KRAS: variants seen among roughly 807,000 people sequenced by gnomAD.
KRAS encodes KRas proto-oncogene, GTPase, also known as GTPase KRas.
KRAS carries 1 observed loss-of-function variant against 21.0 expected under a neutral mutation model. That is an observed-to-expected ratio of 0.05 (90% CI 0.02 to 0.23). The LOEUF is 0.23. Ranked by LOEUF, KRAS falls within the 10% of genes least tolerant of loss-of-function variation. The pLI is 1.00. For missense variants in KRAS, 107 were observed against 221.8 expected (o/e 0.48, Z 3.29); for synonymous variants, 67 against 72.5 (o/e 0.92, Z 0.39).
intron 4 of KRAS, chr12:25,225,286 T>TTATTTTTTTATATATATATA (rs1486092988): frequency 1.9e-4 from 2 of 10,624 alleles, no homozygotes; most frequent in Non-Finnish European, 3.4e-4. Flanking sequence ...GCCCTGTTCT[T>TTATTTTTTTATATATATATA]TATATATATA....
chr12:25,228,362 A>G, intron 2 of KRAS, among the ~76,000 whole-genome samples: 1 of 151,686 alleles, frequency 6.6e-6, no homozygotes. Flanking sequence ...TTAAGTATCT[A>G]TGAATATTCC....
At chr12:25,215,091 TAAAAAAAAAAAA>T (rs775121370) in intron 4 of KRAS, 5 of 86,510 alleles carry the variant, frequency 5.8e-5, no homozygotes, top group Non-Finnish European at 9.3e-5. Flanking sequence ...TTCTCCCTAC[TAAAAAAAAAAAA>T]AAAAAAAAAA....
chr12:25,233,419 T>C (rs1951501965), intron 2 of KRAS, among the ~76,000 whole-genome samples: 1 of 151,986 alleles, frequency 6.6e-6, no homozygotes, highest in Non-Finnish European at 1.5e-5. Context: ...TTAGGTGTGG[T>C]AGTGTGTACC....
chr12:25,240,054 G>A lies in KRAS; in HGVS notation c.111+5220C>T, dbSNP rs61761093. 7.0e-3 allele frequency among the ~76,000 whole-genome samples: 1,059 copies of A among 152,054 alleles called. 6 individuals carry two copies. Among genetic ancestry groups the A allele is most frequent in the African/African-American group, 0.024 (985 of 41,486 alleles). On this transcript the variant is annotated intron_variant, in intron 2 of 4. Coordinates refer to ENST00000311936, the MANE Select transcript of KRAS (RefSeq NM_004985.5). ...CTTACTTTTTTCAATGTTTTATTTT[G>A]AAAAAATTTCAAACCTATAGAAAAG...
intron 3 of KRAS, 72 bp downstream of exon 3, chr12:25,227,162 T>G: frequency 9.2e-7 from 1 of 1,090,828 alleles, no homozygotes; most frequent in Admixed American, 2.0e-5. Flanking sequence ...TGCATGGCAT[T>G]AGCAAAGACT....
intron 2 of KRAS, among the ~76,000 whole-genome samples, chr12:25,236,341 T>TC (rs61761105): frequency 0.041 from 6,280 of 152,152 alleles, 175 homozygotes; most frequent in Non-Finnish European, 0.061. Flanking sequence ...CACTGACTCA[T>TC]CATACCCACT....
At chr12:25,243,647 A>C (rs1192228571) in intron 2 of KRAS, among the ~76,000 whole-genome samples, 3 of 152,194 alleles carry the variant, frequency 2.0e-5, no homozygotes, top group Non-Finnish European at 2.9e-5. Context: ...ATTTTCAGGG[A>C]AGACAGACAG....
In KRAS at chr12:25,225,683, T is replaced by C. The variant is rs770720889; in HGVS notation, c.381A>G (p.Thr127=). 1 of 1,613,296 alleles carries C rather than the reference T, an allele frequency of 6.2e-7. No homozygotes were observed. Among genetic ancestry groups the C allele is most frequent in the East Asian group, 2.2e-5 (1 of 44,764 alleles). The part of the protein sequence containing the change: ...KCDLPSRTVD[T]KQAQDLARSY... ...TTCTTGCTAAGTCCTGAGCCTGTTT[T>C]GTGTCTACTGTTCTAGAAGGCAAAT... is the stretch of plus-strand genomic sequence containing the variant. The change falls in exon 4 of 5, where the codon ACA becomes ACG. Residue 127 remains threonine, a synonymous_variant. Coordinates refer to ENST00000311936, the MANE Select transcript of KRAS (RefSeq NM_004985.5).
At chr12:25,226,664 T>C (rs1369379241) in intron 3 of KRAS, among the ~76,000 whole-genome samples, 1 of 152,212 alleles carries the variant, frequency 6.6e-6, no homozygotes, top group East Asian at 1.9e-4. Flanking sequence ...ATGTAGTTTT[T>C]GGAAAACTAA....
At chr12:25,226,648 C>CTTA (rs1464356926) in intron 3 of KRAS, among the ~76,000 whole-genome samples, 3 of 152,030 alleles carry the variant, frequency 2.0e-5, no homozygotes, top group Non-Finnish European at 4.4e-5. Flanking sequence ...GATTCATTTG[C>CTTA]TTAATATGTA....
chr12:25,213,984 GC>G (rs1233671168), intron 4 of KRAS, among the ~76,000 whole-genome samples: 1 of 152,198 alleles, frequency 6.6e-6, no homozygotes, highest in African/African-American at 2.4e-5. Context: ...CTAAGATTTT[GC>G]TGTCAAGTAA....
chr12:25,213,980 T>A (rs912885319), intron 4 of KRAS, among the ~76,000 whole-genome samples: 1 of 152,212 alleles, frequency 6.6e-6, no homozygotes, highest in Admixed American at 6.5e-5. Flanking sequence ...CTGGCTAAGA[T>A]TTTGCTGTCA....
chr12:25,248,437 G>A (rs1951716226), intron 1 of KRAS, among the ~76,000 whole-genome samples: 1 of 152,018 alleles, frequency 6.6e-6, no homozygotes, highest in South Asian at 2.1e-4. Flanking sequence ...GTGACAGAGT[G>A]AGACTCTCTC....
chr12:25,235,722 A>G (rs1225525319), intron 2 of KRAS, among the ~76,000 whole-genome samples: 1 of 152,176 alleles, frequency 6.6e-6, no homozygotes, highest in Non-Finnish European at 1.5e-5. Flanking sequence ...AACATAGAAC[A>G]GCATGTTGAG....
rs964865570 is a variant in KRAS at position 25,208,948 on chromosome 12, G to A, written c.*847C>T. On this transcript the variant is annotated 3_prime_UTR_variant, in exon 5 of 5. Coordinates refer to ENST00000311936, the MANE Select transcript of KRAS (RefSeq NM_004985.5). ...ATGAAAGAGCAGTCTGACACAGGGA[G>A]ACTACATTTAATTCCTATGAGAATT... The A allele has an allele frequency of 5.6e-5, 17 of 304,310 alleles. No homozygotes were observed. The highest frequency in any genetic ancestry group is 9.0e-5 in the Non-Finnish European group (15 of 166,390). The allele number at this position is 304,310 out of a possible 1,614,324, so 18.9% of individuals were successfully genotyped here.
At chr12:25,215,293 T>C (rs1951241395) in intron 4 of KRAS, 2 of 1,287,882 alleles carry the variant, frequency 1.6e-6, no homozygotes, top group Non-Finnish European at 2.1e-6. Flanking sequence ...AAAATAAATG[T>C]ACTAATTATG....
intron 2 of KRAS, among the ~76,000 whole-genome samples, chr12:25,243,088 G>C (rs540210746): frequency 6.6e-6 from 1 of 152,058 alleles, no homozygotes; most frequent in Admixed American, 6.5e-5. Context: ...TGACCCACAC[G>C]GATTGGTAAA....
At chr12:25,236,942 T>C (rs1019055624) in intron 2 of KRAS, among the ~76,000 whole-genome samples, 1 of 152,096 alleles carries the variant, frequency 6.6e-6, no homozygotes, top group African/African-American at 2.4e-5. Flanking sequence ...AACGTGTACA[T>C]AAATGTTTAT....
At chr12:25,222,986 C>T (rs1951346964) in intron 4 of KRAS, among the ~76,000 whole-genome samples, 1 of 152,160 alleles carries the variant, frequency 6.6e-6, no homozygotes, top group Non-Finnish European at 1.5e-5. Context: ...AAGAAAAATA[C>T]CACCTAGGAG....
Sources: gnomAD v4.1 joint callset for allele counts (sites outside exome capture counted in the v4.1 genomes callset) on GRCh38, gnomAD v4.1.1 for gene constraint, MANE v1.5 for transcripts, NCBI Gene and HGNC (gene_info 2026-07-23, HGNC 2026-07-21) for gene names.